Variants in LITAFD observed in about 807,000 individuals in gnomAD.
The protein encoded by LITAFD is LITAF domain containing.
exon 4 of LITAFD, chr16:8,885,238 C>T (rs930467327): frequency 3.3e-5 from 13 of 398,988 alleles, no homozygotes; most frequent in South Asian, 1.3e-4. Context: ...GCCTAATGGA[C>T]GTGAAGCACT....
chr16:8,884,487 G>A (rs1314641651), intron 3 of LITAFD, 22 bp downstream of exon 3: 4 of 398,782 alleles, frequency 1.0e-5, no homozygotes, highest in Non-Finnish European at 1.8e-5. Flanking sequence ...CCCCTCCGCC[G>A]CTGCAGAGGC....
intron 2 of LITAFD, among the ~76,000 whole-genome samples, chr16:8,883,805 C>T (rs2061552593): frequency 6.6e-6 from 1 of 152,186 alleles, no homozygotes; most frequent in Non-Finnish European, 1.5e-5. Context: ...TGGCTCAGGC[C>T]TGTAATCCCA....
chr16:8,883,644 C>G (rs1383036071), intron 2 of LITAFD, among the ~76,000 whole-genome samples: 4 of 152,222 alleles, frequency 2.6e-5, no homozygotes, highest in Non-Finnish European at 4.4e-5. Flanking sequence ...CCGAGCCCCC[C>G]AGGTGGGGCC....
At chr16:8,884,844 G>T (rs7205894) in intron 3 of LITAFD, among the ~76,000 whole-genome samples, 5 of 151,964 alleles carry the variant, frequency 3.3e-5, no homozygotes, top group East Asian at 1.9e-4. Flanking sequence ...CAGCACTTTG[G>T]GAGGCCGAGG....
intron 2 of LITAFD, among the ~76,000 whole-genome samples, chr16:8,883,907 A>G (rs1397040675): frequency 1.3e-5 from 2 of 152,176 alleles, no homozygotes; most frequent in African/African-American, 4.8e-5. Context: ...TCTACTAAAA[A>G]TACAAAAATA....
At chr16:8,882,976 C>G (rs1486500862) in intron 1 of LITAFD, among the ~76,000 whole-genome samples, 1 of 152,182 alleles carries the variant, frequency 6.6e-6, no homozygotes, top group Non-Finnish European at 1.5e-5. Flanking sequence ...GCTGGGATTA[C>G]AGGCGTGCGC....
intron 3 of LITAFD, 25 bp from the exon 4 acceptor site, chr16:8,885,162 C>G: frequency 2.5e-6 from 1 of 399,342 alleles, no homozygotes; most frequent in Non-Finnish European, 4.4e-6. Context: ...CCCGCTCACG[C>G]CCAGCCTCCG....
chr16:8,884,909 AC>A (rs2061558403), intron 3 of LITAFD, among the ~76,000 whole-genome samples: 1 of 151,992 alleles, frequency 6.6e-6, no homozygotes, highest in Non-Finnish European at 1.5e-5. Context: ...ATGTGCTGAA[AC>A]CCTGTCTCTA....
At position 8,884,985 on chromosome 16, in the gene LITAFD, G is replaced by C. The variant is rs562982550; in HGVS notation, c.111-202G>C. On this transcript the variant is annotated intron_variant, in intron 3 of 3. Coordinates refer to ENST00000636296, the Ensembl canonical transcript of LITAFD. ...CGTGCCTGTAATCCCAGCTACTCAGGAGACTGAGGCAGGGGAGGCAGAGGT... is the reference window on the plus strand; with the variant it reads ...CGTGCCTGTAATCCCAGCTACTCAGCAGACTGAGGCAGGGGAGGCAGAGGT... 1.0e-5 allele frequency: 4 copies of C among 398,122 alleles called. No homozygotes were observed. In the East Asian group the frequency reaches 1.4e-4, roughly 14 times the overall value. 24.7% of individuals were successfully genotyped at this position (398,122 alleles called of 1,614,324 possible).
At chr16:8,885,136 TAC>T (rs1161264170) in intron 3 of LITAFD, 49 bp from the exon 4 acceptor site, 5 of 399,152 alleles carry the variant, frequency 1.3e-5, no homozygotes, top group African/African-American at 2.1e-5. Flanking sequence ...GCGTCCAGCG[TAC>T]AGTGAGAGGT....
intron 2 of LITAFD, among the ~76,000 whole-genome samples, 158 bp downstream of exon 2, chr16:8,883,444 G>A (rs748039684): frequency 9.2e-5 from 14 of 152,036 alleles, no homozygotes; most frequent in African/African-American, 1.4e-4. Flanking sequence ...GTGGGACCCC[G>A]CAGCTGGCCA....
chr16:8,885,324 C>T (rs2061561371), exon 4 of LITAFD: 1 of 398,706 alleles, frequency 2.5e-6, no homozygotes, highest in Non-Finnish European at 4.4e-6. Context: ...CCAGGGGTGC[C>T]ACCTGGGCAC....
chr16:8,883,049 T>A (rs956984289), intron 1 of LITAFD, among the ~76,000 whole-genome samples, 161 bp from the exon 2 acceptor site: 39 of 152,300 alleles, frequency 2.6e-4, no homozygotes, highest in African/African-American at 3.4e-4. Flanking sequence ...TTGGCCAGAC[T>A]GGTCTCGAAC....
intron 2 of LITAFD, among the ~76,000 whole-genome samples, chr16:8,883,919 G>A (rs2061553082): frequency 6.6e-6 from 1 of 152,134 alleles, no homozygotes; most frequent in Admixed American, 6.5e-5. Flanking sequence ...ACAAAAATAA[G>A]CCGGGTGTGA....
chr16:8,882,999 C>A (rs1433428856), intron 1 of LITAFD, among the ~76,000 whole-genome samples: 1 of 152,106 alleles, frequency 6.6e-6, no homozygotes. Flanking sequence ...CTGTGCCCGG[C>A]TAATTTTTGT....
intron 3 of LITAFD, 49 bp from the exon 4 acceptor site, chr16:8,885,138 C>T (rs1419674305): frequency 7.5e-6 from 3 of 399,214 alleles, no homozygotes; most frequent in Non-Finnish European, 1.3e-5. Flanking sequence ...GTCCAGCGTA[C>T]AGTGAGAGGT....
exon 3 of LITAFD, chr16:8,884,378 C>T (rs888910253): frequency 2.5e-6 from 1 of 399,066 alleles, no homozygotes; most frequent in African/African-American, 2.1e-5. Flanking sequence ...GCCGTGTGTC[C>T]CTACTGTGGA....
chr16:8,884,290 G>A (rs1021437931), intron 2 of LITAFD, 33 bp from the exon 3 acceptor site: 34 of 398,812 alleles, frequency 8.5e-5, no homozygotes, highest in African/African-American at 6.6e-4. Context: ...GCCCCGGGGG[G>A]TCCCACCTGC....
intron 2 of LITAFD, among the ~76,000 whole-genome samples, chr16:8,883,827 G>A (rs1381033180): frequency 6.6e-6 from 1 of 152,226 alleles, no homozygotes; most frequent in African/African-American, 2.4e-5. Flanking sequence ...AACTTTGGGA[G>A]GCCAAGGCAG....
Sources: gnomAD v4.1 joint callset for allele counts (sites outside exome capture counted in the v4.1 genomes callset) on GRCh38, gnomAD v4.1.1 for gene constraint, MANE v1.5 for transcripts, NCBI Gene and HGNC (gene_info 2026-07-23, HGNC 2026-07-21) for gene names.